Variants in TBC1D7 observed in about 807,000 individuals in gnomAD.
TBC1D7 encodes the protein TBC1 domain family member 7.
TBC1D7 carries 33 observed loss-of-function variants against 35.3 expected under a neutral mutation model. The observed-to-expected ratio is 0.93, with a 90% CI of 0.71 to 1.25. The LOEUF is 1.25. TBC1D7 is among the 50% of genes most tolerant of loss of function. The probability of loss-of-function intolerance (pLI) is 0.00; values close to 1 mark genes in which losing one functional copy is unlikely to be tolerated. For missense variants in TBC1D7, 362 were observed against 365.3 expected (o/e 0.99, Z 0.07); for synonymous variants, 135 against 129.5 (o/e 1.04, Z -0.29).
At chr6:13,325,200 A>G (rs1428836266) in intron 2 of TBC1D7, 26 bp from the exon 3 acceptor site, 3 of 1,542,986 alleles carry the variant, frequency 1.9e-6, no homozygotes, top group South Asian at 1.1e-5. Flanking sequence ...AACAATTGTT[A>G]GAAGCTTTTC....
rs1235192890 is a variant in TBC1D7, at chr6:13,316,645, C to A, written c.445G>T (p.Val149Phe). 1 of 1,614,092 alleles carries A rather than the reference C, an allele frequency of 6.2e-7. No homozygotes were observed. The highest frequency in any genetic ancestry group is 8.5e-7 in the Non-Finnish European group (1 of 1,180,018). Residue 149 changes from valine (V) to phenylalanine (F), a missense_variant, in exon 5 of 8, where the codon GTC becomes TTC. Coordinates refer to ENST00000379300, the MANE Select transcript of TBC1D7 (RefSeq NM_016495.6). ...KAMEEMVEDS[V>F]DCYWITRRFV... ...CGTCGGGTGATCCAGTAACAGTCGA[C>A]ACTATCTTCCACCATTTCCTCCATG...
At chr6:13,321,146 C>A in intron 3 of TBC1D7, 51 bp from the exon 4 acceptor site, 1 of 1,501,412 alleles carries the variant, frequency 6.7e-7, no homozygotes, top group South Asian at 1.2e-5. Context: ...AGCCATCACT[C>A]CAAATCCCTC....
At position 13,316,712 on chromosome 6, in the gene TBC1D7, A is replaced by G. The variant is rs1233871808; in HGVS notation, c.382-4T>C. The G allele has an allele frequency of 2.5e-5, 41 of 1,613,270 alleles. 1 individual carries two copies. In the Admixed American group the frequency reaches 6.9e-4, roughly 27 times the overall value. ...GAAACACTTCATCATCTGGCTCCTG[A>G]AAGATTAATAATAAATCTCAAGAGG... On this transcript the variant is annotated splice_region_variant and splice_polypyrimidine_tract_variant and intron_variant, in intron 4 of 7. Coordinates refer to ENST00000379300, the MANE Select transcript of TBC1D7 (RefSeq NM_016495.6).
chr6:13,328,240 A>G (rs1177324226), intron 1 of TBC1D7, 56 bp downstream of exon 1: 1 of 152,288 alleles, frequency 6.6e-6, no homozygotes, highest in Non-Finnish European at 1.5e-5. Context: ...TGGGAAAAGT[A>G]AAAACACCCT....
chr6:13,310,533 G>T (rs1354809148), intron 5 of TBC1D7, among the ~76,000 whole-genome samples: 1 of 151,856 alleles, frequency 6.6e-6, no homozygotes, highest in African/African-American at 2.4e-5. Flanking sequence ...AGCTACTTGG[G>T]AGGCTGAGGC....
chr6:13,306,398 A>C lies in TBC1D7; in HGVS notation c.795T>G (p.Asn265Lys), dbSNP rs747601612. Residue 265 changes from asparagine to lysine, a missense_variant and splice_region_variant, in exon 7 of 8, where the codon AAT (asparagine) becomes AAG (lysine). Asn to Lys is a moderately conservative substitution (Grantham distance 94). Coordinates refer to ENST00000379300, the MANE Select transcript of TBC1D7 (RefSeq NM_016495.6). ...SAEKITKFLE[N>K]IPQDSSDAIV... ...CAAAATCAAATCAAAGCACACTTAC[A>C]TTTTCCAGAAACTTTGTTATCTTCT... 8.8e-6 allele frequency: 14 copies of C among 1,582,018 alleles called. No homozygotes were observed. Among genetic ancestry groups the C allele is most frequent in the Admixed American group, 4.0e-5 (2 of 50,594 alleles).
intron 5 of TBC1D7, among the ~76,000 whole-genome samples, chr6:13,311,288 TCTC>T (rs1217987059): frequency 6.6e-6 from 1 of 152,242 alleles, no homozygotes; most frequent in African/African-American, 2.4e-5. Context: ...TGGCCTCTAT[TCTC>T]CTCGACTATG....
rs1784439225 is a variant in TBC1D7 at position 13,326,893 on chromosome 6, A to C, written c.6T>G (p.Thr2=). 1.9e-6 allele frequency: 3 copies of C among 1,596,508 alleles called. No homozygotes were observed. Among genetic ancestry groups the C allele is most frequent in the Non-Finnish European group, 2.6e-6 (3 of 1,168,952 alleles). ...AACGAAAGTTTCTCTGAGAGTCCTC[A>C]GTCATATTTCATTCTTGGAGGAGAC... The part of the protein sequence containing the change: M[T]EDSQRNFRSV... Residue 2 remains threonine, a synonymous_variant, in exon 2 of 8, where the codon ACT becomes ACG. Coordinates refer to ENST00000379300, the MANE Select transcript of TBC1D7 (RefSeq NM_016495.6).
At chr6:13,309,415 A>T (rs998426633) in intron 5 of TBC1D7, among the ~76,000 whole-genome samples, 1 of 152,236 alleles carries the variant, frequency 6.6e-6, no homozygotes, top group African/African-American at 2.4e-5. Flanking sequence ...TACCTAGCAC[A>T]TCACTTGGCA....
chr6:13,328,520 T>TGCCGCC lies in TBC1D7; in HGVS notation c.-239_-234dup, dbSNP rs906257246. ...AACTCAGCGCCGCTGCCGCTGCCGCTGCCGCCGCCGCCGGACGTGACATCA... is the reference window on the plus strand; with the variant it reads ...AACTCAGCGCCGCTGCCGCTGCCGCTGCCGCCGCCGCCGCCGCCGGACGTGACATCA... On this transcript the variant is annotated 5_prime_UTR_variant, in exon 1 of 8. Coordinates refer to ENST00000379300, the MANE Select transcript of TBC1D7 (RefSeq NM_016495.6). The TGCCGCC allele has an allele frequency of 4.3e-4, 68 of 158,000 alleles. 11 individuals are homozygous for TGCCGCC. In the East Asian group the frequency reaches 9.1e-3, roughly 21 times the overall value. The allele number at this position is 158,000 out of a possible 1,614,324, so 9.8% of individuals were successfully genotyped here.
At chr6:13,307,936 C>T (rs1020896434) in intron 5 of TBC1D7, among the ~76,000 whole-genome samples, 191 bp from the exon 6 acceptor site, 2 of 152,158 alleles carry the variant, frequency 1.3e-5, no homozygotes, top group African/African-American at 4.8e-5. Context: ...ACAAACCATC[C>T]AGGACTGAGG....
Position 13,306,537 on chromosome 6 carries a change from TA to T in TBC1D7, c.666-11del, listed in dbSNP as rs2127520690. 6.4e-7 allele frequency: 1 copy of T among 1,571,138 alleles called. No individual in the cohort carries two copies. The highest frequency in any genetic ancestry group is 8.6e-7 in the Non-Finnish European group (1 of 1,162,114). On this transcript the variant is annotated splice_polypyrimidine_tract_variant and intron_variant, in intron 6 of 7. Coordinates refer to ENST00000379300, the MANE Select transcript of TBC1D7 (RefSeq NM_016495.6). Reference sequence around the variant, plus strand: ...AACTTTATCCCAAACCCTACAAAAATAAGGAGATATAATCAAATTATATGAG... The same window carrying T: ...AACTTTATCCCAAACCCTACAAAAATAGGAGATATAATCAAATTATATGAG...
At chr6:13,309,722 CTTTCT>C (rs1396450550) in intron 5 of TBC1D7, among the ~76,000 whole-genome samples, 1 of 152,176 alleles carries the variant, frequency 6.6e-6, no homozygotes, top group East Asian at 1.9e-4. Context: ...ACACACTTCT[CTTTCT>C]TTTATTAGTT....
intron 5 of TBC1D7, among the ~76,000 whole-genome samples, chr6:13,311,921 A>T (rs2439543): frequency 2.6e-5 from 4 of 151,052 alleles, no homozygotes; most frequent in African/African-American, 9.7e-5. Context: ...AAAGGAGTCC[A>T]GAAAGAGATA....
In TBC1D7 at chr6:13,316,719, A is replaced by G. The variant is rs1783652190; in HGVS notation, c.382-11T>C. The G allele has an allele frequency of 1.2e-6, 2 of 1,612,946 alleles. No homozygotes were observed. Among genetic ancestry groups the G allele is most frequent in the Admixed American group, 1.7e-5 (1 of 59,750 alleles). On this transcript the variant is annotated splice_polypyrimidine_tract_variant and intron_variant, in intron 4 of 7. Transcript: ENST00000379300. ...TTCATCATCTGGCTCCTGAAAGATT[A>G]ATAATAAATCTCAAGAGGAAGGCAG... is the stretch of plus-strand genomic sequence containing the variant.
chr6:13,316,569 A>G lies in TBC1D7; in HGVS notation c.519+2T>C. ...TAGCCAAAAAAAAAAAAAAGCCCTC[A>G]CCAACTGGGGCAAGGAATCCCGGTA... On this transcript the variant is annotated splice_donor_variant, in intron 5 of 7. Coordinates refer to ENST00000379300, the MANE Select transcript of TBC1D7 (RefSeq NM_016495.6). LOFTEE classifies it high-confidence loss of function. The G allele has an allele frequency of 6.3e-7, 1 of 1,588,180 alleles. No individual in the cohort carries two copies. The highest frequency in any genetic ancestry group is 1.2e-5 in the South Asian group (1 of 85,450).
intron 6 of TBC1D7, 95 bp from the exon 7 acceptor site, chr6:13,306,622 A>C (rs923188902): frequency 2.8e-5 from 29 of 1,030,968 alleles, no homozygotes; most frequent in Non-Finnish European, 3.9e-5. Flanking sequence ...AAATTGCTCC[A>C]ATTTTATGTA....
intron 5 of TBC1D7, among the ~76,000 whole-genome samples, chr6:13,308,283 A>T (rs1297219262): frequency 6.6e-6 from 1 of 152,246 alleles, no homozygotes; most frequent in Non-Finnish European, 1.5e-5. Context: ...GACCATACAT[A>T]CACTGCCCTG....
At chr6:13,327,077 G>A (rs2127545998) in intron 1 of TBC1D7, 171 bp from the exon 2 acceptor site, 2 of 484,052 alleles carry the variant, frequency 4.1e-6, no homozygotes, top group East Asian at 7.2e-5. Flanking sequence ...ACTCAGTTCT[G>A]CAACTATCTC....
Sources: allele counts gnomAD v4.1 joint callset (sites outside exome capture counted in the v4.1 genomes callset), GRCh38; gene constraint gnomAD v4.1.1; transcripts MANE v1.5; gene names NCBI Gene and HGNC (gene_info 2026-07-23, HGNC 2026-07-21).